Variants in PLPP1 observed in about 807,000 individuals in gnomAD.
PLPP1 encodes the protein lipid phosphate phosphohydrolase 1a.
A neutral mutation model predicts 31.2 loss-of-function variants in PLPP1; 24 were observed. The observed-to-expected ratio is 0.77, with a 90% CI of 0.56 to 1.08. PLPP1 has a LOEUF of 1.08. Among genes scored for constraint, PLPP1 ranks in the 50% least tolerant of loss-of-function variants. PLPP1 has a pLI of 0.00. For synonymous variants in PLPP1, 146 were observed against 126.3 expected (o/e 1.16, Z -1.05); for missense variants, 319 against 342.7 (o/e 0.93, Z 0.55).
At chr5:55,442,469 T>C (rs959896779) in intron 3 of PLPP1, among the ~76,000 whole-genome samples, 9 of 152,158 alleles carry the variant, frequency 5.9e-5, no homozygotes, top group Non-Finnish European at 8.8e-5. Context: ...CTGGCCAACA[T>C]GGTGAAACCC....
chr5:55,503,471 T>C (rs1056305777), intron 1 of PLPP1, among the ~76,000 whole-genome samples: 2 of 152,036 alleles, frequency 1.3e-5, no homozygotes, highest in Non-Finnish European at 2.9e-5. Flanking sequence ...TCTCAACTAA[T>C]GAAGTCTAAA....
chr5:55,429,761 A>G (rs1209758566), intron 4 of PLPP1, among the ~76,000 whole-genome samples: 1 of 152,100 alleles, frequency 6.6e-6, no homozygotes, highest in Non-Finnish European at 1.5e-5. Context: ...CGCAGGGCCA[A>G]AGTATACAAG....
At chr5:55,518,056 G>C (rs1485168762) in intron 1 of PLPP1, among the ~76,000 whole-genome samples, 1 of 152,080 alleles carries the variant, frequency 6.6e-6, no homozygotes, top group Non-Finnish European at 1.5e-5. Flanking sequence ...ATGTTGGTCA[G>C]ACTACTGATC....
intron 1 of PLPP1, among the ~76,000 whole-genome samples, chr5:55,523,943 T>G (rs542836544): frequency 6.6e-6 from 1 of 152,360 alleles, no homozygotes; most frequent in South Asian, 2.1e-4. Flanking sequence ...TCATAGCTTT[T>G]ACAAACATCT....
In PLPP1 at chr5:55,425,714, G is replaced by A. The variant is rs1579911163; in HGVS notation, c.726+149C>T. The A allele has an allele frequency of 6.1e-6, 4 of 659,664 alleles. No individual in the cohort carries two copies. In the East Asian group the frequency reaches 9.2e-5, roughly 15 times the overall value. 40.9% of individuals were successfully genotyped at this position (659,664 alleles called of 1,614,324 possible). On this transcript the variant is annotated intron_variant, in intron 5 of 5. Coordinates refer to ENST00000307259, the MANE Select transcript of PLPP1 (RefSeq NM_003711.4). ...AGCAACCTAGTTTTTAACCTGGTGT[G>A]TATCCTGAAGTGACTTTTAATAACA...
intron 2 of PLPP1, among the ~76,000 whole-genome samples, chr5:55,472,692 GAA>G (rs974128449): frequency 3.0e-4 from 45 of 150,092 alleles, no homozygotes; most frequent in African/African-American, 1.0e-3. Flanking sequence ...GATAAAGACA[GAA>G]AGAGAGAGAA....
intron 3 of PLPP1, among the ~76,000 whole-genome samples, chr5:55,451,476 G>T (rs929592224): frequency 1.3e-5 from 2 of 151,980 alleles, no homozygotes; most frequent in African/African-American, 2.4e-5. Flanking sequence ...ATTCCTTTAA[G>T]ATTAAAACCA....
rs61144694 is a variant in PLPP1, at chr5:55,532,954, C to CAA, written c.58+1616_58+1617dup. Among the ~76,000 whole-genome samples, 351 of 121,352 alleles carry CAA rather than the reference C, an allele frequency of 2.9e-3. 1 individual carries two copies. Among genetic ancestry groups the CAA allele is most frequent in the African/African-American group, 0.01 (329 of 32,658 alleles). The allele number at this position is 121,352 out of a possible 152,430, so 79.6% of individuals were successfully genotyped here. ...CTGGGCGACAGAGCAAGACCGTCTC[C>CAA]AAAAAAAAAAAAAAAAAGACAATGT... On this transcript the variant is annotated intron_variant, in intron 1 of 5. Transcript: ENST00000307259.
intron 3 of PLPP1, among the ~76,000 whole-genome samples, chr5:55,454,026 G>T (rs750312271): frequency 9.2e-5 from 14 of 151,994 alleles, no homozygotes; most frequent in Non-Finnish European, 1.6e-4. Flanking sequence ...TAAGAAGAAA[G>T]GACTTAGGGG....
In PLPP1 at chr5:55,444,743, T is replaced by TGTGTG. The variant is rs368045819; in HGVS notation, c.492-2836_492-2835insCACAC. Among the ~76,000 whole-genome samples, 702 of 137,366 alleles carry TGTGTG rather than the reference T, an allele frequency of 5.1e-3. 16 individuals are homozygous for TGTGTG. The highest frequency in any genetic ancestry group is 0.015 in the African/African-American group (545 of 37,128). The allele number at this position is 137,366 out of a possible 152,430, so 90.1% of individuals were successfully genotyped here. A position where few individuals can be genotyped will look rare whatever the true frequency, so the allele number is the denominator to read the frequency against. ...AAATCACTATGAATGGGATTCTATT[T>TGTGTG]TGTGTGTGTGTGTGTGTGTGTGTGT... On this transcript the variant is annotated intron_variant, in intron 3 of 5. Transcript: ENST00000307259.
At chr5:55,458,292 T>G (rs1217209029) in intron 3 of PLPP1, among the ~76,000 whole-genome samples, 1 of 151,962 alleles carries the variant, frequency 6.6e-6, no homozygotes, top group Middle Eastern at 3.2e-3. Flanking sequence ...TGCCAGAAAA[T>G]AAGAAGATAG....
chr5:55,467,907 G>A lies in PLPP1; in HGVS notation c.453C>T (p.Tyr151=). ...CTCTTTCTGCATTCCCTCGACATAT[G>A]TAGTATTCAATGTAACCATCGCTGC... is the stretch of plus-strand genomic sequence containing the variant. ...INCSDGYIEY[Y]ICRGNAERVK... The change falls in exon 3 of 6, where the codon TAC becomes TAT. Residue 151 remains tyrosine, a synonymous_variant. Transcript: ENST00000307259. 6.2e-7 allele frequency: 1 copy of A among 1,614,058 alleles called. No individual in the cohort carries two copies. Among genetic ancestry groups the A allele is most frequent in the Non-Finnish European group, 8.5e-7 (1 of 1,179,970 alleles).
chr5:55,482,566 C>G lies in PLPP1; in HGVS notation c.59-7116G>C, dbSNP rs187411002. Among the ~76,000 whole-genome samples, 213 of 152,218 alleles carry G rather than the reference C, an allele frequency of 1.4e-3. 1 individual carries two copies. The highest frequency in any genetic ancestry group is 4.9e-3 in the African/African-American group (203 of 41,526). ...GAGGTGAAAATAAGAAATGGCAGCA[C>G]AGCGCCTATGTCCCCATGAAAACAA... On this transcript the variant is annotated intron_variant, in intron 1 of 5. Coordinates refer to ENST00000307259, the MANE Select transcript of PLPP1 (RefSeq NM_003711.4).
intron 1 of PLPP1, among the ~76,000 whole-genome samples, chr5:55,476,429 C>T (rs1257001222): frequency 6.6e-6 from 1 of 152,118 alleles, no homozygotes; most frequent in Non-Finnish European, 1.5e-5. Context: ...CTTATACTCA[C>T]CTCCTAAAAC....
At chr5:55,505,874 T>G (rs1455141722) in intron 1 of PLPP1, among the ~76,000 whole-genome samples, 1 of 152,154 alleles carries the variant, frequency 6.6e-6, no homozygotes. Context: ...CTGGCCAACA[T>G]GGCAAAACTC....
intron 4 of PLPP1, among the ~76,000 whole-genome samples, chr5:55,428,510 T>C (rs1283823776): frequency 6.6e-6 from 1 of 152,230 alleles, no homozygotes; most frequent in African/African-American, 2.4e-5. Flanking sequence ...GTTTCCTATA[T>C]GCGTAAGTTC....
At chr5:55,530,475 T>A (rs1395908236) in intron 1 of PLPP1, 5 of 1,225,782 alleles carry the variant, frequency 4.1e-6, no homozygotes, top group African/African-American at 1.5e-5. Context: ...TTCTGTGTTA[T>A]CAGATGTGGA....
At chr5:55,442,062 T>G in intron 3 of PLPP1, among the ~76,000 whole-genome samples, 154 bp from the exon 4 acceptor site, 1 of 152,310 alleles carries the variant, frequency 6.6e-6, no homozygotes, top group East Asian at 1.9e-4. Flanking sequence ...AATTAGGACA[T>G]GAACATTAAA....
chr5:55,530,834 C>CGGGGCAGTAGGATG, intron 1 of PLPP1: 1 of 1,262,390 alleles, frequency 7.9e-7, no homozygotes, highest in Admixed American at 1.8e-5. Context: ...TCCTGACAGA[C>CGGGGCAGTAGGATG]GGGGCAGTAG....
Sources: gnomAD v4.1 joint callset for allele counts (sites outside exome capture counted in the v4.1 genomes callset) on GRCh38, gnomAD v4.1.1 for gene constraint, MANE v1.5 for transcripts, NCBI Gene and HGNC (gene_info 2026-07-23, HGNC 2026-07-21) for gene names.